CDIN1: variants seen among roughly 807,000 people sequenced by gnomAD.
CDIN1 encodes the protein CDAN1 interacting nuclease 1, also known as CDAN1-interacting nuclease 1.
CDIN1 carries 33 observed loss-of-function variants against 45.3 expected under a neutral mutation model. The ratio of observed to expected loss-of-function variants is 0.73; its 90% CI spans 0.55 to 0.97. The LOEUF (loss-of-function observed/expected upper bound fraction) is 0.97, where lower values mean the gene tolerates loss of function less well. CDIN1 is among the 50% of genes least tolerant of loss of function. The pLI is 0.00. For synonymous variants in CDIN1, 118 were observed against 124.4 expected (o/e 0.95, Z 0.34); for missense variants, 303 against 339.4 (o/e 0.89, Z 0.84).
chr15:36,749,370 T>C (rs2053395970), intron 10 of CDIN1, among the ~76,000 whole-genome samples: 1 of 152,210 alleles, frequency 6.6e-6, no homozygotes, highest in Non-Finnish European at 1.5e-5. Flanking sequence ...GACTTAAAAA[T>C]AATGCCCTGC....
chr15:36,640,416 A>G (rs1207793664), intron 1 of CDIN1, among the ~76,000 whole-genome samples: 2 of 152,202 alleles, frequency 1.3e-5, no homozygotes, highest in Non-Finnish European at 2.9e-5. Context: ...ATATCCAAGT[A>G]TAATGCTTTG....
intron 1 of CDIN1, among the ~76,000 whole-genome samples, chr15:36,609,886 A>G (rs747652324): frequency 6.6e-6 from 1 of 152,176 alleles, no homozygotes; most frequent in Non-Finnish European, 1.5e-5. Flanking sequence ...TGCCCTGCCA[A>G]TCTGGAGGCT....
At chr15:36,726,788 A>C (rs553906661) in intron 10 of CDIN1, among the ~76,000 whole-genome samples, 11 of 152,296 alleles carry the variant, frequency 7.2e-5, no homozygotes, top group Admixed American at 6.5e-4. Context: ...TTAAGTCCTG[A>C]GTACAGTATA....
At chr15:36,735,828 C>T (rs1158366690) in intron 10 of CDIN1, among the ~76,000 whole-genome samples, 1 of 151,996 alleles carries the variant, frequency 6.6e-6, no homozygotes, top group Admixed American at 6.6e-5. Context: ...TTTAATTTCC[C>T]AGCACTTAAT....
intron 10 of CDIN1, among the ~76,000 whole-genome samples, chr15:36,762,480 T>C (rs2053793311): frequency 9.0e-6 from 1 of 111,130 alleles, no homozygotes; most frequent in South Asian, 2.5e-4. Context: ...TTGTTTTGTT[T>C]TGTTTGTTTG....
intron 8 of CDIN1, among the ~76,000 whole-genome samples, chr15:36,698,176 A>C (rs935484152): frequency 2.6e-5 from 4 of 152,230 alleles, no homozygotes; most frequent in Non-Finnish European, 4.4e-5. Context: ...GGTTTTTTCC[A>C]AAATGGGCAA....
chr15:36,602,280 A>G (rs547963925), intron 1 of CDIN1, among the ~76,000 whole-genome samples: 93 of 152,314 alleles, frequency 6.1e-4, no homozygotes, highest in African/African-American at 2.2e-3. Context: ...CCTCACATGT[A>G]TTGCAACTAT....
At chr15:36,780,703 C>G (rs2054328462) in intron 10 of CDIN1, among the ~76,000 whole-genome samples, 1 of 152,160 alleles carries the variant, frequency 6.6e-6, no homozygotes, top group African/African-American at 2.4e-5. Flanking sequence ...ATTATTAATT[C>G]TATGTGTATC....
intron 10 of CDIN1, among the ~76,000 whole-genome samples, chr15:36,805,768 A>G (rs373961888): frequency 1.1e-4 from 17 of 152,268 alleles, no homozygotes; most frequent in African/African-American, 3.9e-4. Context: ...CTGGATCCTG[A>G]GCTGTTGAAG....
At chr15:36,701,236 T>C (rs531207802) in intron 8 of CDIN1, among the ~76,000 whole-genome samples, 123 of 152,218 alleles carry the variant, frequency 8.1e-4, no homozygotes, top group Non-Finnish European at 1.4e-3. Context: ...GGCTTAGCTG[T>C]ACAAAAAACT....
intron 10 of CDIN1, among the ~76,000 whole-genome samples, chr15:36,728,736 C>T (rs1279857640): frequency 6.6e-6 from 1 of 152,028 alleles, no homozygotes; most frequent in African/African-American, 2.4e-5. Context: ...TGCAGTGGCA[C>T]AATCTCGGCT....
chr15:36,729,024 A>G (rs2043745581), intron 10 of CDIN1, among the ~76,000 whole-genome samples: 1 of 152,208 alleles, frequency 6.6e-6, no homozygotes, highest in African/African-American at 2.4e-5. Flanking sequence ...TGGAATGAAA[A>G]TCAGCAACAC....
At chr15:36,589,195 C>T (rs895010891) in intron 1 of CDIN1, among the ~76,000 whole-genome samples, 4 of 151,898 alleles carry the variant, frequency 2.6e-5, no homozygotes, top group African/African-American at 4.8e-5. Flanking sequence ...ACAGTTTTGC[C>T]GTATTGGTTG....
chr15:36,675,258 C>G (rs2041605209), intron 5 of CDIN1, among the ~76,000 whole-genome samples: 1 of 152,068 alleles, frequency 6.6e-6, no homozygotes, highest in Admixed American at 6.6e-5. Context: ...CACTTAATTG[C>G]TGCACTGTGG....
chr15:36,693,200 TAAGTA>T (rs1445508848), intron 7 of CDIN1, among the ~76,000 whole-genome samples: 1 of 152,172 alleles, frequency 6.6e-6, no homozygotes, highest in African/African-American at 2.4e-5. Context: ...CATGCCTATA[TAAGTA>T]AAGTTAATCT....
chr15:36,623,635 G>A (rs1322719229), intron 1 of CDIN1, among the ~76,000 whole-genome samples: 1 of 152,214 alleles, frequency 6.6e-6, no homozygotes, highest in Non-Finnish European at 1.5e-5. Context: ...AGCGTTTGAG[G>A]GGAGCACTCC....
intron 3 of CDIN1, among the ~76,000 whole-genome samples, chr15:36,648,227 G>C (rs992643470): frequency 8.5e-5 from 13 of 152,092 alleles, no homozygotes; most frequent in African/African-American, 3.1e-4. Context: ...TCTTTTGTCA[G>C]CCCATTTTTA....
chr15:36,801,046 G>A (rs2055028124), intron 10 of CDIN1, among the ~76,000 whole-genome samples: 1 of 149,370 alleles, frequency 6.7e-6, no homozygotes, highest in Admixed American at 6.7e-5. Flanking sequence ...TTTATTGTTT[G>A]ATGAAGACCC....
intron 1 of CDIN1, among the ~76,000 whole-genome samples, chr15:36,625,882 G>A (rs2039402468): frequency 6.6e-6 from 1 of 152,046 alleles, no homozygotes; most frequent in East Asian, 1.9e-4. Context: ...TTGTTGAAAT[G>A]TTGTCATTTT....
Sources: allele counts gnomAD v4.1 joint callset (sites outside exome capture counted in the v4.1 genomes callset), GRCh38; gene constraint gnomAD v4.1.1; transcripts MANE v1.5; gene names NCBI Gene and HGNC (gene_info 2026-07-23, HGNC 2026-07-21).